Variants in NXN observed in about 807,000 individuals in gnomAD.
The protein encoded by NXN is nucleoredoxin 1.
In NXN, 16 loss-of-function variants were observed where a neutral mutation model predicts 48.6. The ratio of observed to expected loss-of-function variants is 0.33; its 90% confidence interval spans 0.22 to 0.50. The LOEUF (loss-of-function observed/expected upper bound fraction) is 0.50. NXN is among the 20% of genes least tolerant of loss of function. NXN has a pLI of 0.98. For synonymous variants in NXN, 281 were observed against 269.6 expected (o/e 1.04, Z -0.41); for missense variants, 492 against 605.5 (o/e 0.81, Z 1.97).
chr17:905,997 G>T (rs1299604347), intron 1 of NXN, among the ~76,000 whole-genome samples: 2 of 149,706 alleles, frequency 1.3e-5, no homozygotes, highest in Admixed American at 1.3e-4. Context: ...AAAAGAAAAA[G>T]GTAAAAAGGT....
At chr17:855,225 C>T (rs1380602072) in intron 1 of NXN, among the ~76,000 whole-genome samples, 4 of 152,174 alleles carry the variant, frequency 2.6e-5, no homozygotes, top group Non-Finnish European at 5.9e-5. Context: ...CTGCAGTGAG[C>T]TCTGATCACG....
intron 5 of NXN, among the ~76,000 whole-genome samples, chr17:807,183 C>T (rs1837928057): frequency 6.6e-6 from 1 of 152,192 alleles, no homozygotes; most frequent in Non-Finnish European, 1.5e-5. Flanking sequence ...GGCCAGGGAC[C>T]ACCACAGGGA....
intron 1 of NXN, among the ~76,000 whole-genome samples, chr17:841,430 A>AGCAGGTCCCCC (rs1914209440): frequency 9.6e-6 from 1 of 104,594 alleles, no homozygotes; most frequent in Non-Finnish European, 2.2e-5. Context: ...CGCATCTCAC[A>AGCAGGTCCCCC]CGGGCGAGCA....
intron 1 of NXN, among the ~76,000 whole-genome samples, chr17:946,717 C>T (rs567331444): frequency 2.6e-5 from 4 of 152,264 alleles, no homozygotes; most frequent in African/African-American, 9.6e-5. Context: ...CCCCCCGCAG[C>T]GGGCGACTGT....
At chr17:822,747 C>A (rs1006671032) in intron 3 of NXN, among the ~76,000 whole-genome samples, 2 of 152,136 alleles carry the variant, frequency 1.3e-5, no homozygotes, top group African/African-American at 4.8e-5. Context: ...GGCACAAGCA[C>A]CCGCATTGTC....
intron 1 of NXN, among the ~76,000 whole-genome samples, chr17:941,907 CAT>C (rs1449937722): frequency 5.0e-5 from 3 of 60,180 alleles, no homozygotes; most frequent in African/African-American, 7.8e-5. Flanking sequence ...CATGAACTCA[CAT>C]CACACCTTCC....
At chr17:915,072 A>T (rs939458354) in intron 1 of NXN, among the ~76,000 whole-genome samples, 25 of 148,870 alleles carry the variant, frequency 1.7e-4, no homozygotes, top group East Asian at 4.0e-4. Context: ...ATAGCTGGGA[A>T]TACAGGCACC....
At chr17:838,407 C>T (rs552663899) in intron 1 of NXN, among the ~76,000 whole-genome samples, 1 of 152,264 alleles carries the variant, frequency 6.6e-6, no homozygotes, top group Admixed American at 6.5e-5. Context: ...GCTGGGATTA[C>T]AGGCGTGAGC....
At chr17:810,171 C>G (rs1597615490) in intron 5 of NXN, among the ~76,000 whole-genome samples, 1 of 70,398 alleles carries the variant, frequency 1.4e-5, no homozygotes, top group Non-Finnish European at 2.7e-5. Context: ...CGTTACGAGT[C>G]TGTGACTGGC....
At chr17:955,054 G>A (rs2069150304) in intron 1 of NXN, among the ~76,000 whole-genome samples, 1 of 151,996 alleles carries the variant, frequency 6.6e-6, no homozygotes, top group Non-Finnish European at 1.5e-5. Flanking sequence ...TCAGGAATGA[G>A]CCCCCGCGAC....
chr17:887,688 G>A (rs142710502), intron 1 of NXN, among the ~76,000 whole-genome samples: 6 of 152,118 alleles, frequency 3.9e-5, no homozygotes, highest in Non-Finnish European at 5.9e-5. Context: ...TTTTCCATTC[G>A]CTCCATGTCA....
At chr17:801,708 TG>T (rs1341534808) in intron 7 of NXN, among the ~76,000 whole-genome samples, 1 of 152,188 alleles carries the variant, frequency 6.6e-6, no homozygotes, top group African/African-American at 2.4e-5. Flanking sequence ...CCTCCCAAAG[TG>T]CTAGGATTAC....
intron 1 of NXN, among the ~76,000 whole-genome samples, chr17:941,349 C>G (rs533306707): frequency 2.0e-5 from 3 of 149,122 alleles, no homozygotes; most frequent in Admixed American, 1.3e-4. Context: ...ACACACCTCC[C>G]TGGATTTACA....
intron 1 of NXN, among the ~76,000 whole-genome samples, chr17:879,418 T>C (rs979032448): frequency 6.6e-6 from 1 of 151,248 alleles, no homozygotes; most frequent in Non-Finnish European, 1.5e-5. Flanking sequence ...GCCTCCCAAG[T>C]AGCTCAGATT....
Position 900,913 on chromosome 17 carries a change from C to CTT in NXN, c.361-74837_361-74836dup, listed in dbSNP as rs11367844. ...CTTTATGAAAAGATAGATCTGCATTCTTTTTTTTTTTTTTTTTTTTTTTTG... is the reference window on the plus strand; with the variant it reads ...CTTTATGAAAAGATAGATCTGCATTCTTTTTTTTTTTTTTTTTTTTTTTTTTG... On this transcript the variant is annotated intron_variant, in intron 1 of 7. Transcript: ENST00000336868. Among the ~76,000 whole-genome samples the CTT allele has an allele frequency of 1.4e-3, 106 of 75,834 alleles. 1 individual carries two copies. The highest frequency in any genetic ancestry group is 4.0e-3 in the African/African-American group (75 of 18,826). The allele number at this position is 75,834 out of a possible 152,430, so 49.8% of individuals were successfully genotyped here. A position where few individuals can be genotyped will look rare whatever the true frequency, so the allele number is the denominator to read the frequency against.
At chr17:913,026 G>A (rs1009333783) in intron 1 of NXN, among the ~76,000 whole-genome samples, 2 of 152,058 alleles carry the variant, frequency 1.3e-5, no homozygotes, top group Non-Finnish European at 2.9e-5. Flanking sequence ...TGTCATATAC[G>A]TTGGAAATAT....
chr17:877,234 G>A (rs1057509612), intron 1 of NXN, among the ~76,000 whole-genome samples: 2 of 151,206 alleles, frequency 1.3e-5, no homozygotes, highest in East Asian at 2.0e-4. Flanking sequence ...TGCAAGCTCC[G>A]CCTCCCAGGT....
rs1474750195 is a variant in NXN at position 822,440 on chromosome 17, G to T, written c.630C>A (p.Ser210Arg). The change falls in exon 4 of 8, where the codon AGC (serine) becomes AGA (arginine). Residue 210 changes from serine to arginine, a missense_variant. Physicochemically the swap from Ser to Arg is moderately radical, Grantham distance 110 (BLOSUM62 -1). Transcript: ENST00000336868. ...AGGATTCCACCAGGACCCGGGTGAG[G>T]CTTCGGCAGGGCGGACACTGAAAGA... The part of the protein sequence containing the change: ...FSAHWCPPCR[S>R]LTRVLVESYR... 1.2e-6 allele frequency: 2 copies of T among 1,613,946 alleles called. No individual in the cohort carries two copies. The highest frequency in any genetic ancestry group is 1.1e-5 in the South Asian group (1 of 91,072).
chr17:915,354 G>A (rs1367503125), intron 1 of NXN, among the ~76,000 whole-genome samples: 2 of 152,142 alleles, frequency 1.3e-5, no homozygotes, highest in East Asian at 3.8e-4. Flanking sequence ...AGTCATCTCG[G>A]CTCACTGCAA....
Sources: allele counts gnomAD v4.1 joint callset (sites outside exome capture counted in the v4.1 genomes callset), GRCh38; gene constraint gnomAD v4.1.1; transcripts MANE v1.5; gene names NCBI Gene and HGNC (gene_info 2026-07-23, HGNC 2026-07-21).